Variants in SPECC1L observed in about 807,000 individuals in gnomAD.
SPECC1L encodes the protein cytospin-A.
Under a neutral mutation model 116.8 loss-of-function variants are expected in SPECC1L, and 40 were observed. The ratio of observed to expected loss-of-function variants is 0.34; its 90% CI spans 0.27 to 0.45. The LOEUF (loss-of-function observed/expected upper bound fraction) is 0.45. SPECC1L is among the 20% of genes least tolerant of loss of function. The pLI is 1.00. For synonymous variants in SPECC1L, 504 were observed against 500.6 expected, an observed-to-expected ratio of 1.01 and a Z score of -0.09; for missense variants, 1,110 against 1,373.6, an observed-to-expected ratio of 0.81 and a Z score of 3.03.
chr22:24,322,469 G>A lies in SPECC1L; in HGVS notation c.1489G>A (p.Asp497Asn). The part of the protein sequence containing the change: ...RYMELEQRYM[D>N]LAENARFERE... ...TATGGAATTAGAGCAACGTTACATG[G>A]ACCTCGCTGAGAATGCCCGTTTTGA... The change falls in exon 5 of 17, where the codon GAC (aspartate) becomes AAC (asparagine). Residue 497 changes from aspartate (D) to asparagine (N), a missense_variant. By Grantham distance (23) the Asp-to-Asn change is conservative (BLOSUM62 1). Transcript: ENST00000314328. The A allele has an allele frequency of 6.2e-7, 1 of 1,614,184 alleles. No individual in the cohort carries two copies. Among genetic ancestry groups the A allele is most frequent in the East Asian group, 2.2e-5 (1 of 44,890 alleles).
At chr22:24,349,832 G>A (rs1441185744) in intron 11 of SPECC1L, among the ~76,000 whole-genome samples, 2 of 152,078 alleles carry the variant, frequency 1.3e-5, no homozygotes, top group Non-Finnish European at 2.9e-5. Context: ...CTCTCAGCTG[G>A]GTTCTGGCAA....
chr22:24,277,189 A>C (rs1279710731), intron 2 of SPECC1L, among the ~76,000 whole-genome samples: 1 of 151,986 alleles, frequency 6.6e-6, no homozygotes. Flanking sequence ...CTCCCAACTC[A>C]TGGCCCCTGG....
intron 2 of SPECC1L, among the ~76,000 whole-genome samples, chr22:24,293,325 C>T (rs2330898): frequency 2.0e-5 from 3 of 152,042 alleles, no homozygotes; most frequent in Admixed American, 6.6e-5. Context: ...TGGTGGTACG[C>T]ACCTGTAGTC....
chr22:24,327,380 A>AC (rs2040850694), intron 6 of SPECC1L, among the ~76,000 whole-genome samples: 1 of 152,068 alleles, frequency 6.6e-6, no homozygotes, highest in Admixed American at 6.6e-5. Flanking sequence ...TTCTAGTGGA[A>AC]CAGGGGTAAA....
chr22:24,279,421 G>A (rs980657207), intron 2 of SPECC1L, among the ~76,000 whole-genome samples: 4 of 152,084 alleles, frequency 2.6e-5, no homozygotes, highest in Non-Finnish European at 5.9e-5. Flanking sequence ...TAGAGACAAG[G>A]TTTCACTATT....
At chr22:24,366,629 TAAAG>T (rs758218279) in intron 13 of SPECC1L, among the ~76,000 whole-genome samples, 12 of 152,110 alleles carry the variant, frequency 7.9e-5, no homozygotes, top group Non-Finnish European at 1.6e-4. Context: ...AGATTTTTCA[TAAAG>T]AAAGGTGATT....
chr22:24,359,202 T>G (rs2146607962), intron 11 of SPECC1L, among the ~76,000 whole-genome samples: 1 of 152,324 alleles, frequency 6.6e-6, no homozygotes, highest in South Asian at 2.1e-4. Context: ...CACTCCCTTC[T>G]CAGCACATTC....
rs2041680618 is a variant in SPECC1L, at chr22:24,363,260, G to A, written c.2744-1G>A. 6.2e-7 allele frequency: 1 copy of A among 1,613,502 alleles called. No homozygotes were observed. Among genetic ancestry groups the A allele is most frequent in the Non-Finnish European group, 8.5e-7 (1 of 1,179,552 alleles). On this transcript the variant is annotated splice_acceptor_variant, in intron 11 of 16. Transcript: ENST00000314328. LOFTEE classifies it high-confidence loss of function. ...ATTGGGATTCTTTCTACTTTGTACA[G>A]AGCATCTGTTAAGAACATCTTCAGC...
At chr22:24,398,829 C>T (rs1014621133) in intron 14 of SPECC1L, among the ~76,000 whole-genome samples, 17 of 152,182 alleles carry the variant, frequency 1.1e-4, no homozygotes, top group Admixed American at 3.3e-4. Context: ...GATGAGGACA[C>T]GATTCTGCAC....
intron 14 of SPECC1L, among the ~76,000 whole-genome samples, chr22:24,380,499 T>C (rs1303787276): frequency 1.3e-5 from 2 of 152,224 alleles, no homozygotes; most frequent in African/African-American, 4.8e-5. Flanking sequence ...TCAACGGAGA[T>C]AGATTCCCTA....
At chr22:24,314,023 C>T (rs1161206577) in intron 4 of SPECC1L, among the ~76,000 whole-genome samples, 1 of 151,902 alleles carries the variant, frequency 6.6e-6, no homozygotes, top group Non-Finnish European at 1.5e-5. Context: ...AGGCATGAGC[C>T]ACTACACCTG....
chr22:24,335,678 G>A (rs551335449), intron 9 of SPECC1L, among the ~76,000 whole-genome samples: 7 of 152,266 alleles, frequency 4.6e-5, no homozygotes, highest in African/African-American at 1.7e-4. Flanking sequence ...GACTTTAAAA[G>A]CAGAGCAAAA....
chr22:24,313,992 C>G (rs1174829001), intron 4 of SPECC1L, among the ~76,000 whole-genome samples: 1 of 152,076 alleles, frequency 6.6e-6, no homozygotes. Flanking sequence ...CTGCCTTGGC[C>G]TCCCAAAGTG....
chr22:24,408,114 T>TTCCTG (rs548963485), intron 14 of SPECC1L, among the ~76,000 whole-genome samples: 6 of 151,978 alleles, frequency 3.9e-5, no homozygotes, highest in South Asian at 2.1e-4. Context: ...AGGGCAAGGG[T>TTCCTG]TCCTGTCCTG....
In SPECC1L at chr22:24,417,303, C is replaced by T. The variant is rs939566521; in HGVS notation, c.*2680C>T. On this transcript the variant is annotated 3_prime_UTR_variant, in exon 17 of 17. Coordinates refer to ENST00000314328, the MANE Select transcript of SPECC1L (RefSeq NM_015330.6). ...CCACTCCCTGCCGTCCCTCTGACGTCGCATAAACCAGAACCCAGCTCCCTC... is the reference window on the plus strand; with the variant it reads ...CCACTCCCTGCCGTCCCTCTGACGTTGCATAAACCAGAACCCAGCTCCCTC... The T allele has an allele frequency of 5.2e-5, 8 of 152,490 alleles. No individual in the cohort carries two copies. The highest frequency in any genetic ancestry group is 1.4e-4 in the African/African-American group (6 of 41,452). The allele number at this position is 152,490 out of a possible 1,614,324, so 9.4% of individuals were successfully genotyped here.
At position 24,322,382 on chromosome 22, in the gene SPECC1L, T is replaced by G; in HGVS notation, c.1402T>G (p.Ser468Ala). The part of the protein sequence containing the change: ...HFSRQIEYFR[S>A]LLDEHHISYV... ...TAGTCGACAGATTGAATACTTCCGC[T>G]CTCTTCTAGATGAGCATCACATTTC... Residue 468 changes from serine to alanine, a missense_variant, in exon 5 of 17, where the codon TCT (serine) becomes GCT (alanine). By Grantham distance (99) the Ser-to-Ala change is moderately conservative. Around this residue, in one of 4 missense-constraint regions of SPECC1L, gnomAD observed 575 missense variants for 682.4 expected, o/e 0.84. Coordinates refer to ENST00000314328, the MANE Select transcript of SPECC1L (RefSeq NM_015330.6). The G allele has an allele frequency of 6.2e-7, 1 of 1,614,176 alleles. No individual in the cohort carries two copies. Among genetic ancestry groups the G allele is most frequent in the Non-Finnish European group, 8.5e-7 (1 of 1,180,038 alleles).
At chr22:24,385,043 A>G (rs1302097116) in intron 14 of SPECC1L, among the ~76,000 whole-genome samples, 4 of 151,368 alleles carry the variant, frequency 2.6e-5, no homozygotes, top group African/African-American at 9.7e-5. Flanking sequence ...ACCCTGGGGC[A>G]CAAAGCGAAA....
intron 2 of SPECC1L, among the ~76,000 whole-genome samples, chr22:24,293,196 C>G (rs1382240328): frequency 2.6e-5 from 4 of 152,230 alleles, no homozygotes; most frequent in Non-Finnish European, 5.9e-5. Context: ...TGGCTCATGC[C>G]TGTAATCTCA....
chr22:24,276,351 G>A (rs2048837507), intron 1 of SPECC1L, among the ~76,000 whole-genome samples: 1 of 152,192 alleles, frequency 6.6e-6, no homozygotes, highest in Admixed American at 6.5e-5. Flanking sequence ...GGGATCTCCT[G>A]AGTCCAGGTG....
Sources: allele counts gnomAD v4.1 joint callset (sites outside exome capture counted in the v4.1 genomes callset), GRCh38; gene constraint gnomAD v4.1.1; regional missense constraint gnomAD v4.1.1; transcripts MANE v1.5; gene names NCBI Gene and HGNC (gene_info 2026-07-23, HGNC 2026-07-21).